Variants in SHROOM2 observed in about 807,000 individuals in gnomAD.
SHROOM2 encodes shroom family member 2.
Under a neutral mutation model 75.9 loss-of-function variants are expected in SHROOM2, and 33 were observed. The ratio of observed to expected loss-of-function variants is 0.43; its 90% CI spans 0.33 to 0.58. The LOEUF is 0.58. SHROOM2 is among the 20% of genes least tolerant of loss of function. SHROOM2 has a pLI of 0.04. For missense variants in SHROOM2, 1,434 were observed against 1,461.2 expected (o/e 0.98, Z 0.30); for synonymous variants, 655 against 663.6 (o/e 0.99, Z 0.20).
chrX:9,941,240 C>T (rs1261113350), intron 8 of SHROOM2, among the ~76,000 whole-genome samples: 1 of 112,056 alleles, frequency 8.9e-6, no homozygotes, highest in Non-Finnish European at 1.9e-5. Context: ...GCCCAGGGCT[C>T]ATTCTTAGTG....
intron 1 of SHROOM2, among the ~76,000 whole-genome samples, chrX:9,792,159 T>TAATGAAAAAAGAAAAGAA (rs1555919910): frequency 0.017 from 127 of 7,395 alleles, 43 homozygotes; most frequent in African/African-American, 0.04. Flanking sequence ...TAGAATAGAA[T>TAATGAAAAAAGAAAAGAA]AATCACCAGT....
At chrX:9,901,444 C>A (rs1164928014) in intron 5 of SHROOM2, among the ~76,000 whole-genome samples, 6 of 112,132 alleles carry the variant, frequency 5.4e-5, no homozygotes, top group Admixed American at 2.8e-4. Flanking sequence ...TGTCATCCTA[C>A]CCTTGAGCTG....
chrX:9,882,884 A>T (rs2084239823), intron 2 of SHROOM2, among the ~76,000 whole-genome samples: 1 of 112,411 alleles, frequency 8.9e-6, no homozygotes, highest in African/African-American at 3.2e-5. Flanking sequence ...CATGTTTAAA[A>T]GCAGGAACTA....
chrX:9,786,475 C>T lies in SHROOM2; in HGVS notation c.-71C>T. On this transcript the variant is annotated 5_prime_UTR_variant, in exon 1 of 10. Transcript: ENST00000380913. ...GCAAGTTCTGCGGCGCTCGGAGCCT[C>T]CCTTGCGATCCCACGGCCGGGACTG... 1 of 766,771 alleles carries T rather than the reference C, an allele frequency of 1.3e-6. No homozygotes were observed. Among genetic ancestry groups the T allele is most frequent in the Non-Finnish European group, 1.6e-6 (1 of 624,365 alleles). 63.2% of individuals were successfully genotyped at this position (766,771 alleles called of 1,213,427 possible).
chrX:9,944,784 T>C lies in SHROOM2; in HGVS notation c.4455T>C (p.Phe1485=). The change falls in exon 9 of 10, where the codon TTT becomes TTC. Residue 1485 remains phenylalanine, a synonymous_variant. Coordinates refer to ENST00000380913, the MANE Select transcript of SHROOM2 (RefSeq NM_001649.4). ...AAGGCGTCTGCAAGCCCAGCGAGTTTGACAAGTTCCGGATGTTCATTGGAG... is the reference window on the plus strand; with the variant it reads ...AAGGCGTCTGCAAGCCCAGCGAGTTCGACAAGTTCCGGATGTTCATTGGAG... The part of the protein sequence containing the change: ...IVKGVCKPSE[F]DKFRMFIGDL... 8.2e-7 allele frequency: 1 copy of C among 1,212,537 alleles called. No homozygotes were observed. The highest frequency in any genetic ancestry group is 1.1e-6 in the Non-Finnish European group (1 of 895,680).
chrX:9,941,772 C>G (rs1271627208), intron 8 of SHROOM2, among the ~76,000 whole-genome samples: 1 of 109,066 alleles, frequency 9.2e-6, no homozygotes, highest in Non-Finnish European at 1.9e-5. Flanking sequence ...CAGATCGAGG[C>G]CATCCTGGCT....
At chrX:9,854,248 T>G (rs1356836270) in intron 1 of SHROOM2, among the ~76,000 whole-genome samples, 1 of 112,772 alleles carries the variant, frequency 8.9e-6, no homozygotes, top group Non-Finnish European at 1.9e-5. Context: ...AAAGAAGAAA[T>G]GCCACTCAAA....
chrX:9,939,341 T>G lies in SHROOM2; in HGVS notation c.4286T>G (p.Leu1429Trp). The G allele has an allele frequency of 8.3e-7, 1 of 1,208,460 alleles. No individual in the cohort carries two copies. The highest frequency in any genetic ancestry group is 1.1e-6 in the Non-Finnish European group (1 of 893,833). ...CACGAAGAGGATTCGGGAAGCGACTTGGACCACGACCTGTCGGTGAAGAAG... is the reference window on the plus strand; with the variant it reads ...CACGAAGAGGATTCGGGAAGCGACTGGGACCACGACCTGTCGGTGAAGAAG... Reference protein sequence around the residue: ...QEHEEDSGSDLDHDLSVKKQE... With the variant: ...QEHEEDSGSDWDHDLSVKKQE... The change falls in exon 8 of 10, where the codon TTG (leucine) becomes TGG (tryptophan). Residue 1429 changes from leucine to tryptophan, a missense_variant. Physicochemically the swap from Leu to Trp is moderately conservative, Grantham distance 61. This residue lies in a region of SHROOM2 where 1,340 missense variants were observed against 1,338.3 expected (regional missense o/e 1.00). Transcript: ENST00000380913.
At chrX:9,877,659 G>A (rs1158109530) in intron 2 of SHROOM2, among the ~76,000 whole-genome samples, 1 of 112,184 alleles carries the variant, frequency 8.9e-6, no homozygotes, top group Non-Finnish European at 1.9e-5. Context: ...TTCACACAGA[G>A]CCACAGGCTA....
intron 1 of SHROOM2, among the ~76,000 whole-genome samples, chrX:9,873,315 A>G (rs1419583391): frequency 8.9e-6 from 1 of 112,906 alleles, no homozygotes; most frequent in Non-Finnish European, 1.9e-5. Flanking sequence ...TCCAGGATTA[A>G]TGTATGAGAA....
chrX:9,828,484 T>G (rs1384085905), intron 1 of SHROOM2, among the ~76,000 whole-genome samples: 1 of 111,523 alleles, frequency 9.0e-6, no homozygotes, highest in African/African-American at 3.3e-5. Flanking sequence ...TTATTGTTGC[T>G]TTAGTGACAG....
intron 5 of SHROOM2, among the ~76,000 whole-genome samples, chrX:9,919,324 CTTTTTT>C (rs55905923): frequency 2.5e-4 from 8 of 32,456 alleles, no homozygotes; most frequent in Admixed American, 1.9e-3. Context: ...GAGGAGGTTG[CTTTTTT>C]TTTTTTTTTT....
chrX:9,943,141 G>A (rs1184636491), intron 8 of SHROOM2, among the ~76,000 whole-genome samples: 1 of 109,893 alleles, frequency 9.1e-6, no homozygotes, highest in African/African-American at 3.3e-5. Flanking sequence ...TGGGAGGATT[G>A]GTTGAGCCCA....
At chrX:9,871,611 G>C (rs1379710567) in intron 1 of SHROOM2, among the ~76,000 whole-genome samples, 1 of 112,210 alleles carries the variant, frequency 8.9e-6, no homozygotes, top group Non-Finnish European at 1.9e-5. Flanking sequence ...AAAAATTGCT[G>C]CATATTTTTG....
intron 1 of SHROOM2, among the ~76,000 whole-genome samples, chrX:9,842,779 G>A (rs2083985963): frequency 3.6e-5 from 4 of 111,855 alleles, no homozygotes; most frequent in Admixed American, 2.8e-4. Flanking sequence ...CAGGAGTCCT[G>A]GATCTGCCTG....
In SHROOM2 at chrX:9,894,602, G is replaced by T. The variant is rs201212186; in HGVS notation, c.694G>T (p.Ala232Ser). ...CTTGTCCAAAGCCGACACGTCCTCC[G>T]CAGAGAACATCCTCTACACTGTGGG... ...HTLSKADTSS[A>S]ENILYTVGLW... is the part of the protein sequence containing the mutation. The change falls in exon 4 of 10, where the codon GCA becomes TCA. Residue 232 changes from alanine (A) to serine (S), a missense_variant. Transcript: ENST00000380913. The T allele has an allele frequency of 1.7e-6, 2 of 1,210,521 alleles. No individual in the cohort carries two copies. Among genetic ancestry groups the T allele is most frequent in the African/African-American group, 3.5e-5 (2 of 57,420 alleles).
intron 1 of SHROOM2, 91 bp downstream of exon 1, chrX:9,786,801 C>G: frequency 4.4e-6 from 3 of 687,989 alleles, no homozygotes; most frequent in Non-Finnish European, 5.4e-6. Context: ...GGGCGGTAGG[C>G]TCGCGCCCCC....
At chrX:9,860,624 A>G (rs1394843530) in intron 1 of SHROOM2, among the ~76,000 whole-genome samples, 1 of 111,460 alleles carries the variant, frequency 9.0e-6, no homozygotes, top group Non-Finnish European at 1.9e-5. Context: ...GGGTTTCACC[A>G]TGTTGCCCAA....
intron 4 of SHROOM2, 55 bp downstream of exon 4, chrX:9,896,753 C>T (rs2084335049): frequency 9.2e-7 from 1 of 1,082,860 alleles, no homozygotes; most frequent in South Asian, 2.3e-5. Context: ...GGACAGGACA[C>T]ACCCAGAATG....
Sources: allele counts gnomAD v4.1 joint callset (sites outside exome capture counted in the v4.1 genomes callset), GRCh38; gene constraint gnomAD v4.1.1; regional missense constraint gnomAD v4.1.1; transcripts MANE v1.5; gene names NCBI Gene and HGNC (gene_info 2026-07-23, HGNC 2026-07-21).